SDK1: variants seen among roughly 807,000 people sequenced by gnomAD.
SDK1 encodes sidekick cell adhesion molecule 1.
Under a neutral mutation model 245.5 loss-of-function variants are expected in SDK1, and 157 were observed. That is an observed-to-expected ratio of 0.64 (90% CI 0.56 to 0.73). SDK1 has a LOEUF of 0.73. SDK1 is among the 30% of genes least tolerant of loss of function. SDK1 has a pLI of 0.00. For missense variants in SDK1, 3,583 were observed against 3,002.3 expected (o/e 1.19, Z -4.52); for synonymous variants, 1,647 against 1,278.5 (o/e 1.29, Z -6.15).
chr7:3,681,022 T>C (rs1784083125), intron 4 of SDK1, among the ~76,000 whole-genome samples: 1 of 152,086 alleles, frequency 6.6e-6, no homozygotes. Flanking sequence ...TTGTGTATTT[T>C]TTAGTAGAGA....
chr7:4,054,237 A>G (rs1779063422), intron 19 of SDK1, among the ~76,000 whole-genome samples: 1 of 152,158 alleles, frequency 6.6e-6, no homozygotes, highest in Admixed American at 6.5e-5. Context: ...CACCACACTC[A>G]CCAAGGTTAA....
intron 1 of SDK1, among the ~76,000 whole-genome samples, chr7:3,609,403 T>C (rs1781521473): frequency 6.6e-6 from 1 of 152,008 alleles, no homozygotes; most frequent in South Asian, 2.1e-4. Flanking sequence ...ATTTTTCTTT[T>C]TCTTTTTCTT....
chr7:3,845,709 A>G lies in SDK1; in HGVS notation c.847+24126A>G, dbSNP rs144790761. 2.7e-4 allele frequency among the ~76,000 whole-genome samples: 41 copies of G among 151,452 alleles called. No individual in the cohort carries two copies. In the East Asian group the frequency reaches 7.4e-3, roughly 27 times the overall value. On this transcript the variant is annotated intron_variant, in intron 5 of 44. Transcript: ENST00000404826. ...TGCTTCTCCTTTTTTTTTTTTTTAA[A>G]CAAATGCAGCCTAGTCAATTAAAAA...
At chr7:3,679,140 G>A (rs1033782612) in intron 4 of SDK1, among the ~76,000 whole-genome samples, 6 of 152,224 alleles carry the variant, frequency 3.9e-5, no homozygotes, top group African/African-American at 1.2e-4. Context: ...TGGGACAGAT[G>A]CTGCAAAGAG....
chr7:3,559,589 G>C (rs1038502495), intron 1 of SDK1, among the ~76,000 whole-genome samples: 11 of 152,072 alleles, frequency 7.2e-5, no homozygotes, highest in Non-Finnish European at 1.5e-4. Context: ...TTCACCACCA[G>C]TGTCTTGCAA....
intron 1 of SDK1, among the ~76,000 whole-genome samples, chr7:3,305,874 C>A (rs1043910349): frequency 1.3e-5 from 2 of 152,194 alleles, no homozygotes; most frequent in Admixed American, 1.3e-4. Flanking sequence ...TTATTCTTCA[C>A]AGCAGCTCCT....
intron 44 of SDK1, among the ~76,000 whole-genome samples, chr7:4,262,014 TCTC>T (rs1328543067): frequency 4.4e-4 from 62 of 142,454 alleles, no homozygotes; most frequent in Non-Finnish European, 7.9e-4. Context: ...CCCTCTGCTT[TCTC>T]CTTTTTTTTT....
chr7:4,160,843 C>G (rs1781066860), intron 31 of SDK1, among the ~76,000 whole-genome samples: 1 of 152,102 alleles, frequency 6.6e-6, no homozygotes, highest in African/African-American at 2.4e-5. Flanking sequence ...GTGACTGATG[C>G]AGGCACTGCC....
At chr7:3,505,516 G>T (rs1313704198) in intron 1 of SDK1, among the ~76,000 whole-genome samples, 1 of 152,112 alleles carries the variant, frequency 6.6e-6, no homozygotes, top group Admixed American at 6.6e-5. Flanking sequence ...CTCCCATAGT[G>T]CTATGGTGAT....
chr7:3,568,564 TG>T (rs933778029), intron 1 of SDK1, among the ~76,000 whole-genome samples: 81 of 152,340 alleles, frequency 5.3e-4, no homozygotes, highest in African/African-American at 1.9e-3. Flanking sequence ...TGCTCTCTTC[TG>T]GGAAATATTT....
At chr7:3,992,272 T>C (rs1040586756) in intron 14 of SDK1, among the ~76,000 whole-genome samples, 1 of 152,208 alleles carries the variant, frequency 6.6e-6, no homozygotes, top group Non-Finnish European at 1.5e-5. Context: ...CCTGCACCCA[T>C]GTACGGGACT....
chr7:3,950,292 G>A (rs1780750777), intron 5 of SDK1, among the ~76,000 whole-genome samples: 1 of 152,176 alleles, frequency 6.6e-6, no homozygotes, highest in South Asian at 2.1e-4. Flanking sequence ...AGTTCAGGTA[G>A]GGGCCATGAA....
At chr7:3,993,356 A>T (rs1355218909) in intron 14 of SDK1, among the ~76,000 whole-genome samples, 1 of 151,140 alleles carries the variant, frequency 6.6e-6, no homozygotes, top group Non-Finnish European at 1.5e-5. Context: ...TTTTCTTATG[A>T]TTTTTTTTTC....
intron 5 of SDK1, among the ~76,000 whole-genome samples, chr7:3,943,818 T>C (rs1442745846): frequency 3.9e-5 from 6 of 152,070 alleles, no homozygotes; most frequent in Non-Finnish European, 8.8e-5. Flanking sequence ...AGTAAAGAGG[T>C]TCATGTGGGG....
intron 1 of SDK1, among the ~76,000 whole-genome samples, chr7:3,361,264 T>C (rs1780944581): frequency 6.6e-6 from 1 of 152,216 alleles, no homozygotes; most frequent in Non-Finnish European, 1.5e-5. Flanking sequence ...CCGTGTCCCT[T>C]AAAAAATTCA....
At chr7:3,401,951 C>G (rs898910413) in intron 1 of SDK1, among the ~76,000 whole-genome samples, 4 of 152,046 alleles carry the variant, frequency 2.6e-5, no homozygotes, top group African/African-American at 9.7e-5. Flanking sequence ...GTGTAGCTGT[C>G]TTTACTGCAT....
At chr7:3,355,861 C>T (rs2128559324) in intron 1 of SDK1, among the ~76,000 whole-genome samples, 1 of 152,296 alleles carries the variant, frequency 6.6e-6, no homozygotes, top group Non-Finnish European at 1.5e-5. Context: ...TGCAGCATGT[C>T]TGCAGTCTTC....
intron 5 of SDK1, among the ~76,000 whole-genome samples, chr7:3,866,964 A>T (rs1283527017): frequency 6.6e-6 from 1 of 152,128 alleles, no homozygotes; most frequent in African/African-American, 2.4e-5. Context: ...GGCTGGTGAA[A>T]TGCACCAGCT....
At chr7:4,111,779 ATAGTAAATG>A (rs1273962527) in intron 23 of SDK1, among the ~76,000 whole-genome samples, 1 of 152,382 alleles carries the variant, frequency 6.6e-6, no homozygotes, top group African/African-American at 2.4e-5. Flanking sequence ...GGAAACCTCT[ATAGTAAATG>A]TATATGTGCA....
Sources: gnomAD v4.1 joint callset for allele counts (sites outside exome capture counted in the v4.1 genomes callset) on GRCh38, gnomAD v4.1.1 for gene constraint, MANE v1.5 for transcripts, NCBI Gene and HGNC (gene_info 2026-07-23, HGNC 2026-07-21) for gene names.